Variants in FIBCD1 observed in about 807,000 individuals in gnomAD.
FIBCD1 encodes the protein fibrinogen C domain-containing protein 1.
Under a neutral mutation model 45.1 loss-of-function variants are expected in FIBCD1, and 47 were observed. The observed-to-expected ratio is 1.04, with a 90% CI of 0.82 to 1.33. The LOEUF is 1.33. FIBCD1 is among the 40% of genes most tolerant of loss of function. The pLI is 0.00. For synonymous variants in FIBCD1, 313 were observed against 308.1 expected (o/e 1.02, Z -0.17); for missense variants, 653 against 682.2 (o/e 0.96, Z 0.48).
Position 130,938,673 on chromosome 9 carries a change from TGGGCGCGGGCGC to T in FIBCD1, c.-78_-67del. The T allele has an allele frequency of 2.7e-6, 3 of 1,124,694 alleles. 1 individual carries two copies. Among genetic ancestry groups the T allele is most frequent in the Middle Eastern group, 6.5e-4 (2 of 3,058 alleles). The allele number at this position is 1,124,694 out of a possible 1,614,324, so 69.7% of individuals were successfully genotyped here. The stretch of plus-strand genomic sequence containing the variant: ...GCTGCGGAGCGCAAAGGAGACGGGG[TGGGCGCGGGCGC>T]GGGCGCGGGGCGCGCTCTGTCCGCC... On this transcript the variant is annotated 5_prime_UTR_variant, in exon 1 of 7. Transcript: ENST00000372338.
chr9:130,904,703 C>G (rs958464807), intron 6 of FIBCD1, among the ~76,000 whole-genome samples: 1 of 152,156 alleles, frequency 6.6e-6, no homozygotes, highest in East Asian at 1.9e-4. Flanking sequence ...ACCCGAACCC[C>G]GGGTCTCCTG....
At chr9:130,923,672 GCC>G in intron 4 of FIBCD1, 70 bp downstream of exon 4, 1 of 1,567,690 alleles carries the variant, frequency 6.4e-7, no homozygotes, top group Non-Finnish European at 8.6e-7. Context: ...TGCTCGGAAT[GCC>G]CGGGTTCAGG....
chr9:130,931,728 A>G (rs942063749), intron 1 of FIBCD1, among the ~76,000 whole-genome samples: 1 of 152,218 alleles, frequency 6.6e-6, no homozygotes, highest in Non-Finnish European at 1.5e-5. Flanking sequence ...CAGAGAGGGC[A>G]AGGGGCTCTC....
At chr9:130,930,562 G>A (rs532416650) in intron 1 of FIBCD1, among the ~76,000 whole-genome samples, 15 of 152,128 alleles carry the variant, frequency 9.9e-5, no homozygotes, top group Non-Finnish European at 1.9e-4. Flanking sequence ...CTTCCCTCTC[G>A]CTGCCCCTGC....
chr9:130,910,815 T>G (rs4740384), intron 5 of FIBCD1, among the ~76,000 whole-genome samples: 8 of 147,384 alleles, frequency 5.4e-5, no homozygotes, highest in African/African-American at 2.0e-4. Flanking sequence ...ATCAGCACCC[T>G]GTGTCTAGCT....
chr9:130,921,165 T>C (rs1832253946), intron 4 of FIBCD1, among the ~76,000 whole-genome samples: 2 of 152,174 alleles, frequency 1.3e-5, no homozygotes, highest in South Asian at 4.1e-4. Context: ...CAGGCTCTGG[T>C]GAGACTGTCC....
intron 1 of FIBCD1, 89 bp from the exon 2 acceptor site, chr9:130,930,135 C>G (rs1289469797): frequency 7.0e-7 from 1 of 1,428,516 alleles, no homozygotes; most frequent in Non-Finnish European, 9.1e-7. Flanking sequence ...GGTCAGAGGA[C>G]CCCCTTCTTG....
chr9:130,907,431 T>C lies in FIBCD1; in HGVS notation c.947-2018A>G, dbSNP rs1381618728. 3.3e-5 allele frequency among the ~76,000 whole-genome samples: 5 copies of C among 152,152 alleles called. 1 individual carries two copies. The highest frequency in any genetic ancestry group is 2.6e-4 in the Admixed American group (4 of 15,286). On this transcript the variant is annotated intron_variant, in intron 5 of 6. Coordinates refer to ENST00000372338, the MANE Select transcript of FIBCD1 (RefSeq NM_032843.5). ...GCCACGTTAGCTGTTCTTCCCAGATTCCCTGGGCCCCTGATCCAACTCCTT... is the reference window on the plus strand; with the variant it reads ...GCCACGTTAGCTGTTCTTCCCAGATCCCCTGGGCCCCTGATCCAACTCCTT...
intron 2 of FIBCD1, among the ~76,000 whole-genome samples, chr9:130,928,684 G>A (rs1462368505): frequency 1.3e-5 from 2 of 152,152 alleles, no homozygotes; most frequent in African/African-American, 2.4e-5. Context: ...TTGGGCGCCC[G>A]TGGGGGCAGG....
intron 1 of FIBCD1, among the ~76,000 whole-genome samples, chr9:130,936,842 G>C (rs912222145): frequency 4.6e-5 from 7 of 152,220 alleles, no homozygotes; most frequent in Non-Finnish European, 8.8e-5. Flanking sequence ...GGACAAGGCA[G>C]CTGAGTGGCA....
rs751891931 is a variant in FIBCD1, at chr9:130,924,361, C to T, written c.588G>A (p.Leu196=). Reference sequence around the variant, plus strand: ...CCAGGATGTCGCTGACGGAGTTCACCAGGTGAGCCATGTGGCCCTGGCTCT... The same window carrying T: ...CCAGGATGTCGCTGACGGAGTTCACTAGGTGAGCCATGTGGCCCTGGCTCT... ...LSESQGHMAH[L]VNSVSDILDA... Residue 196 remains leucine, a synonymous_variant, in exon 3 of 7, where the codon CTG becomes CTA. Transcript: ENST00000372338. 2.1e-5 allele frequency: 33 copies of T among 1,609,720 alleles called. No homozygotes were observed. The Middle Eastern group carries it at 5.0e-4, about 24-fold the overall frequency.
chr9:130,929,422 G>T, intron 2 of FIBCD1, 145 bp downstream of exon 2: 2 of 1,081,794 alleles, frequency 1.8e-6, no homozygotes, highest in Non-Finnish European at 2.5e-6. Flanking sequence ...TCATGGGCTT[G>T]TCTGTAGATG....
chr9:130,930,146 G>T (rs1334320319), intron 1 of FIBCD1, 100 bp from the exon 2 acceptor site: 9 of 1,403,906 alleles, frequency 6.4e-6, no homozygotes, highest in Non-Finnish European at 8.4e-6. Flanking sequence ...CCCCTTCTTG[G>T]GGGGCTGGGC....
At chr9:130,906,344 C>T (rs1207330830) in intron 5 of FIBCD1, among the ~76,000 whole-genome samples, 2 of 152,158 alleles carry the variant, frequency 1.3e-5, no homozygotes, top group Non-Finnish European at 2.9e-5. Flanking sequence ...GTATTCCATC[C>T]GCTTCTCCCT....
intron 1 of FIBCD1, among the ~76,000 whole-genome samples, chr9:130,933,639 G>A (rs571484607): frequency 2.6e-5 from 4 of 151,462 alleles, no homozygotes; most frequent in African/African-American, 4.8e-5. Context: ...GGCAGCCCCC[G>A]GTGGTGTCTC....
At chr9:130,915,830 A>G (rs945281775) in intron 4 of FIBCD1, among the ~76,000 whole-genome samples, 2 of 152,364 alleles carry the variant, frequency 1.3e-5, no homozygotes, top group Non-Finnish European at 2.9e-5. Flanking sequence ...TGAAGAAGTG[A>G]CCTGCAGACT....
chr9:130,911,698 C>T (rs1832051885), intron 5 of FIBCD1, 94 bp downstream of exon 5: 1 of 1,186,194 alleles, frequency 8.4e-7, no homozygotes, highest in African/African-American at 1.5e-5. Context: ...GGAAACCCAG[C>T]CCAAACCCAT....
chr9:130,923,181 C>G (rs913720), intron 4 of FIBCD1, among the ~76,000 whole-genome samples: 115,368 of 152,160 alleles, frequency 0.76, 43,963 homozygotes, highest in Non-Finnish European at 0.8. Context: ...CCAGCACCTT[C>G]TGTGGTCCCG....
At chr9:130,937,563 G>A (rs919330724) in intron 1 of FIBCD1, among the ~76,000 whole-genome samples, 4 of 152,172 alleles carry the variant, frequency 2.6e-5, no homozygotes, top group Non-Finnish European at 4.4e-5. Flanking sequence ...TGCCCGTGCC[G>A]CCCCCTCCTG....
Sources: allele counts gnomAD v4.1 joint callset (sites outside exome capture counted in the v4.1 genomes callset), GRCh38; gene constraint gnomAD v4.1.1; transcripts MANE v1.5; gene names NCBI Gene and HGNC (gene_info 2026-07-23, HGNC 2026-07-21).